The following LPP variants were observed in gnomAD, a reference collection of about 807,000 sequenced individuals.
LPP encodes lipoma-preferred partner.
A neutral mutation model predicts 60.4 loss-of-function variants in LPP; 38 were observed. That is an observed-to-expected ratio of 0.63 (90% confidence interval 0.49 to 0.83). LPP has a LOEUF of 0.83. Ranked by LOEUF, LPP falls within the 40% of genes least tolerant of loss-of-function variation. The pLI is 0.00. For synonymous variants in LPP, 328 were observed against 290.8 expected, an observed-to-expected ratio of 1.13 and a Z score of -1.30; for missense variants, 902 against 783.6, an observed-to-expected ratio of 1.15 and a Z score of -1.80.
chr3:188,802,733 G>A (rs998062409), intron 9 of LPP, among the ~76,000 whole-genome samples: 16 of 151,952 alleles, frequency 1.1e-4, no homozygotes, highest in Admixed American at 9.8e-4. Flanking sequence ...GCAGTGAGCT[G>A]AGATTGCACC....
chr3:188,550,308 G>A (rs1326492814), intron 6 of LPP, among the ~76,000 whole-genome samples: 1 of 152,204 alleles, frequency 6.6e-6, no homozygotes, highest in Non-Finnish European at 1.5e-5. Context: ...GCCAGGTGCA[G>A]TGGCTCGTGC....
At chr3:188,590,379 C>T (rs1216934054) in intron 6 of LPP, among the ~76,000 whole-genome samples, 2 of 152,052 alleles carry the variant, frequency 1.3e-5, no homozygotes, top group Non-Finnish European at 2.9e-5. Flanking sequence ...TTGCGACCAG[C>T]CTGGCCAACA....
intron 2 of LPP, among the ~76,000 whole-genome samples, chr3:188,288,734 G>A (rs1414431751): frequency 6.6e-6 from 1 of 151,768 alleles, no homozygotes. Flanking sequence ...TTTGATGTCC[G>A]GGTTGAAATA....
intron 2 of LPP, among the ~76,000 whole-genome samples, chr3:188,300,606 A>G (rs961832465): frequency 3.3e-5 from 5 of 152,192 alleles, no homozygotes; most frequent in African/African-American, 9.6e-5. Flanking sequence ...ATTAATTTGT[A>G]GAAAATTCTG....
At chr3:188,573,117 G>T (rs913749760) in intron 6 of LPP, among the ~76,000 whole-genome samples, 3 of 152,032 alleles carry the variant, frequency 2.0e-5, no homozygotes, top group Non-Finnish European at 4.4e-5. Context: ...ACTGTTGTAA[G>T]TGCTTTAGAT....
At chr3:188,868,430 T>A (rs890525738) in intron 10 of LPP, among the ~76,000 whole-genome samples, 4 of 152,160 alleles carry the variant, frequency 2.6e-5, no homozygotes, top group African/African-American at 9.7e-5. Flanking sequence ...AAAGCAGACT[T>A]GAGCAACTAA....
intron 1 of LPP, among the ~76,000 whole-genome samples, chr3:188,163,914 G>C (rs1315243583): frequency 6.8e-6 from 1 of 147,620 alleles, no homozygotes; most frequent in Non-Finnish European, 1.5e-5. Context: ...TGGCACCACT[G>C]CACTCCAGCC....
At chr3:188,805,694 G>T (rs559902846) in intron 9 of LPP, among the ~76,000 whole-genome samples, 48 of 151,716 alleles carry the variant, frequency 3.2e-4, no homozygotes, top group African/African-American at 1.1e-3. Flanking sequence ...TTCAGTTGTT[G>T]AGTTGAGATC....
intron 9 of LPP, among the ~76,000 whole-genome samples, chr3:188,829,911 TCTATAATCCTA>T (rs1294105403): frequency 6.6e-6 from 1 of 151,584 alleles, no homozygotes; most frequent in African/African-American, 2.4e-5. Context: ...GTGGCTCACA[TCTATAATCCTA>T]GCACTTTGAG....
In LPP at chr3:188,366,813, G is replaced by A. The variant is rs187815119; in HGVS notation, c.-10+25094G>A. Among the ~76,000 whole-genome samples the A allele has an allele frequency of 5.3e-4, 81 of 152,316 alleles. 2 individuals carry two copies. Among genetic ancestry groups the A allele is most frequent in the Admixed American group, 1.1e-3 (17 of 15,310 alleles). Reference sequence around the variant, plus strand: ...TATTGGCCTGTGCTGCAGGCTTTCAGTTAGACAGGGACAGCATCAGTTCTC... The same window carrying A: ...TATTGGCCTGTGCTGCAGGCTTTCAATTAGACAGGGACAGCATCAGTTCTC... On this transcript the variant is annotated intron_variant, in intron 3 of 11. Coordinates refer to ENST00000617246, the MANE Select transcript of LPP (RefSeq NM_001375462.1).
intron 2 of LPP, among the ~76,000 whole-genome samples, chr3:188,226,192 A>G (rs1352642511): frequency 6.6e-6 from 1 of 152,066 alleles, no homozygotes; most frequent in Non-Finnish European, 1.5e-5. Context: ...TATTTTCAGT[A>G]GAGATGGGGT....
At chr3:188,851,415 G>C (rs957840812) in intron 9 of LPP, among the ~76,000 whole-genome samples, 5 of 152,180 alleles carry the variant, frequency 3.3e-5, no homozygotes, top group African/African-American at 1.2e-4. Flanking sequence ...TCCCATACCA[G>C]TGTATTACGC....
At chr3:188,611,668 G>A (rs74477674) in intron 7 of LPP, among the ~76,000 whole-genome samples, 1 of 152,348 alleles carries the variant, frequency 6.6e-6, no homozygotes, top group African/African-American at 2.4e-5. Context: ...GAATGACATG[G>A]TGTCTGCCTT....
intron 5 of LPP, among the ~76,000 whole-genome samples, chr3:188,515,352 A>AT (rs1817052245): frequency 6.6e-6 from 1 of 152,084 alleles, no homozygotes; most frequent in Non-Finnish European, 1.5e-5. Flanking sequence ...TCATGATTAT[A>AT]AGCTTCCTGA....
intron 1 of LPP, among the ~76,000 whole-genome samples, chr3:188,181,297 G>A (rs1048050389): frequency 6.7e-6 from 1 of 148,448 alleles, no homozygotes; most frequent in Admixed American, 6.8e-5. Flanking sequence ...AGGTTGCAGT[G>A]AGCTGAGATT....
intron 3 of LPP, among the ~76,000 whole-genome samples, chr3:188,393,710 G>A (rs1346007635): frequency 6.6e-6 from 1 of 152,162 alleles, no homozygotes; most frequent in Non-Finnish European, 1.5e-5. Flanking sequence ...TTAAGTCTTA[G>A]TATTTTCATG....
rs1022772408 is a variant in LPP, at chr3:188,889,370, G to C, written c.*14891G>C. On this transcript the variant is annotated 3_prime_UTR_variant, in exon 12 of 12. Transcript: ENST00000617246. ...TAGACAGTGCATGATTGTAGGAGAA[G>C]GGTTGAAGGGAGGACATGATTCCAA... 4.3e-6 allele frequency: 1 copy of C among 231,696 alleles called. No individual in the cohort carries two copies. Among genetic ancestry groups the C allele is most frequent in the Non-Finnish European group, 8.5e-6 (1 of 117,066 alleles). The allele number at this position is 231,696 out of a possible 1,614,324, so 14.4% of individuals were successfully genotyped here.
intron 7 of LPP, among the ~76,000 whole-genome samples, chr3:188,664,406 C>T (rs1855302529): frequency 6.6e-6 from 1 of 152,190 alleles, no homozygotes; most frequent in South Asian, 2.1e-4. Flanking sequence ...CATGGTGTTT[C>T]AAGTTCACCT....
At chr3:188,243,117 CAA>C (rs1004772230) in intron 2 of LPP, among the ~76,000 whole-genome samples, 1 of 151,626 alleles carries the variant, frequency 6.6e-6, no homozygotes, top group African/African-American at 2.4e-5. Context: ...ATTAATATAA[CAA>C]AAAAAAGACA....
Sources: allele counts gnomAD v4.1 joint callset (sites outside exome capture counted in the v4.1 genomes callset), GRCh38; gene constraint gnomAD v4.1.1; transcripts MANE v1.5; gene names NCBI Gene and HGNC (gene_info 2026-07-23, HGNC 2026-07-21).